NRXN3: variants seen among roughly 807,000 people sequenced by gnomAD.
NRXN3 encodes neurexin 3, also known as neurexin III.
Under a neutral mutation model 137.6 loss-of-function variants are expected in NRXN3, and 32 were observed. The ratio of observed to expected loss-of-function variants is 0.23; its 90% CI spans 0.18 to 0.31. NRXN3 has a LOEUF of 0.31. NRXN3 is among the 10% of genes least tolerant of loss of function. NRXN3 has a pLI of 1.00. For synonymous variants in NRXN3, 798 were observed against 784.5 expected, an observed-to-expected ratio of 1.02 and a Z score of -0.29; for missense variants, 1,574 against 2,062.5, an observed-to-expected ratio of 0.76 and a Z score of 4.59.
chr14:78,666,411 T>C, intron 6 of NRXN3, among the ~76,000 whole-genome samples: 1 of 152,066 alleles, frequency 6.6e-6, no homozygotes, highest in East Asian at 1.9e-4. Context: ...AAAGGAAAGA[T>C]AAGAAAAGCA....
chr14:78,520,896 T>G (rs1214118769), intron 4 of NRXN3, among the ~76,000 whole-genome samples: 1 of 152,176 alleles, frequency 6.6e-6, no homozygotes, highest in Non-Finnish European at 1.5e-5. Context: ...GCATTAATAT[T>G]ATGGTGCTGA....
chr14:78,820,893 A>G (rs74065170), intron 10 of NRXN3, among the ~76,000 whole-genome samples: 5 of 152,162 alleles, frequency 3.3e-5, no homozygotes, highest in Non-Finnish European at 7.4e-5. Flanking sequence ...TGAACTCAGG[A>G]TCCTCCAATA....
rs901625928 is a variant in NRXN3 at position 79,862,150 on chromosome 14, C to G, written c.*186C>G. ...CACACACACAGCGATGCATCTCTCT[C>G]TAAAGCTCAGCCACGGCTGCGGCAA... is the stretch of plus-strand genomic sequence containing the variant. On this transcript the variant is annotated 3_prime_UTR_variant, in exon 21 of 21. Coordinates refer to ENST00000335750, the MANE Select transcript of NRXN3 (RefSeq NM_001330195.2). 13 of 586,750 alleles carry G rather than the reference C, an allele frequency of 2.2e-5. No homozygotes were observed. The highest frequency in any genetic ancestry group is 3.0e-5 in the Non-Finnish European group (10 of 333,866). 36.3% of individuals were successfully genotyped at this position (586,750 alleles called of 1,614,324 possible).
chr14:79,608,767 T>G (rs1335581854), intron 16 of NRXN3, among the ~76,000 whole-genome samples: 1 of 152,100 alleles, frequency 6.6e-6, no homozygotes, highest in Non-Finnish European at 1.5e-5. Flanking sequence ...GAAAAACACC[T>G]GTCCCCATTT....
At chr14:78,218,410 T>G (rs1232813415) in intron 1 of NRXN3, among the ~76,000 whole-genome samples, 5 of 152,198 alleles carry the variant, frequency 3.3e-5, no homozygotes, top group Non-Finnish European at 7.3e-5. Flanking sequence ...TAATCTTATG[T>G]CCTTACTAGG....
At chr14:78,475,406 A>T (rs1567697498) in intron 4 of NRXN3, among the ~76,000 whole-genome samples, 1 of 152,168 alleles carries the variant, frequency 6.6e-6, no homozygotes, top group Non-Finnish European at 1.5e-5. Context: ...GAATTGATTC[A>T]TGGTACCCAG....
In NRXN3 at chr14:79,169,047, C is replaced by T. The variant is rs1160440301; in HGVS notation, c.3262+180906C>T. ...GGCTGGCTTGCTTTGGATAGTCATT[C>T]ATTCATTCCTTAATAATGGTTTTCT... On this transcript the variant is annotated intron_variant, in intron 15 of 20. Coordinates refer to ENST00000335750, the MANE Select transcript of NRXN3 (RefSeq NM_001330195.2). Among the ~76,000 whole-genome samples, 5 of 152,066 alleles carry T rather than the reference C, an allele frequency of 3.3e-5. No individual in the cohort carries two copies. The East Asian group carries it at 7.7e-4, about 23-fold the overall frequency.
At chr14:78,235,808 A>G (rs1390782721) in intron 1 of NRXN3, among the ~76,000 whole-genome samples, 1 of 152,208 alleles carries the variant, frequency 6.6e-6, no homozygotes, top group Admixed American at 6.5e-5. Context: ...TCAGCTCCGC[A>G]GATTTCAGGA....
At chr14:78,887,211 T>A (rs530007708) in intron 10 of NRXN3, among the ~76,000 whole-genome samples, 1 of 152,202 alleles carries the variant, frequency 6.6e-6, no homozygotes, top group East Asian at 1.9e-4. Context: ...ATTTGGAAAA[T>A]TATGTTCAGA....
Position 78,651,146 on chromosome 14 carries a change from C to A in NRXN3, c.1060-19C>A, listed in dbSNP as rs1394104401. On this transcript the variant is annotated intron_variant, in intron 5 of 20. Coordinates refer to ENST00000335750, the MANE Select transcript of NRXN3 (RefSeq NM_001330195.2). ...AGGTCATTGTTGGGATTTTTTTTGT[C>A]CCTATGTCCCTCCACCAGGTGACAA... The A allele has an allele frequency of 6.2e-7, 1 of 1,607,284 alleles. No individual in the cohort carries two copies. The highest frequency in any genetic ancestry group is 8.5e-7 in the Non-Finnish European group (1 of 1,175,846).
intron 19 of NRXN3, among the ~76,000 whole-genome samples, chr14:79,797,433 A>G (rs889507555): frequency 6.6e-6 from 1 of 152,218 alleles, no homozygotes; most frequent in African/African-American, 2.4e-5. Context: ...GCTCATAGAC[A>G]TAGGATACAA....
intron 2 of NRXN3, among the ~76,000 whole-genome samples, chr14:78,251,410 T>C (rs1336521500): frequency 6.6e-6 from 1 of 152,220 alleles, no homozygotes; most frequent in Non-Finnish European, 1.5e-5. Flanking sequence ...CTTCTAAGTC[T>C]CCACACCTAA....
At chr14:79,068,711 AACTC>A (rs2099683772) in intron 15 of NRXN3, among the ~76,000 whole-genome samples, 1 of 152,130 alleles carries the variant, frequency 6.6e-6, no homozygotes, top group Non-Finnish European at 1.5e-5. Flanking sequence ...TTTAAAATGA[AACTC>A]AAAAAAGAGG....
At chr14:79,631,130 TTGTA>T (rs2098340246) in intron 16 of NRXN3, among the ~76,000 whole-genome samples, 3 of 152,142 alleles carry the variant, frequency 2.0e-5, no homozygotes, top group Admixed American at 6.5e-5. Context: ...TCAGAAAGGG[TTGTA>T]AAGGGAACAG....
rs186457222 is a variant in NRXN3 at position 78,383,731 on chromosome 14, A to T, written c.757+85871A>T. On this transcript the variant is annotated intron_variant, in intron 4 of 20. Transcript: ENST00000335750. ...TCATTGGGGTGTAACTTTCCTTACCAGTAGAATGGGGCTCATAATGTCTAC... is the reference window on the plus strand; with the variant it reads ...TCATTGGGGTGTAACTTTCCTTACCTGTAGAATGGGGCTCATAATGTCTAC... 2.6e-5 allele frequency among the ~76,000 whole-genome samples: 4 copies of T among 152,298 alleles called. No homozygotes were observed. The East Asian group carries it at 7.7e-4, about 29-fold the overall frequency.
intron 10 of NRXN3, among the ~76,000 whole-genome samples, chr14:78,822,884 A>G (rs1204370200): frequency 6.6e-6 from 1 of 152,180 alleles, no homozygotes; most frequent in Non-Finnish European, 1.5e-5. Flanking sequence ...CTATCACTCT[A>G]GAACAAGTGC....
At chr14:79,764,033 C>G (rs2099047843) in intron 19 of NRXN3, among the ~76,000 whole-genome samples, 1 of 147,836 alleles carries the variant, frequency 6.8e-6, no homozygotes, top group Non-Finnish European at 1.5e-5. Flanking sequence ...TATGTTGTTT[C>G]TAAAGTAAAA....
At chr14:79,065,585 G>A (rs2099679776) in intron 15 of NRXN3, among the ~76,000 whole-genome samples, 1 of 152,108 alleles carries the variant, frequency 6.6e-6, no homozygotes, top group South Asian at 2.1e-4. Flanking sequence ...CAGAAAATGT[G>A]TTGTTCTGGA....
chr14:78,395,178 G>A (rs1195117475), intron 4 of NRXN3, among the ~76,000 whole-genome samples: 1 of 151,436 alleles, frequency 6.6e-6, no homozygotes, highest in Non-Finnish European at 1.5e-5. Flanking sequence ...AATATATGCA[G>A]TTAGTGCTAT....
Sources: gnomAD v4.1 joint callset for allele counts (sites outside exome capture counted in the v4.1 genomes callset) on GRCh38, gnomAD v4.1.1 for gene constraint, MANE v1.5 for transcripts, NCBI Gene and HGNC (gene_info 2026-07-23, HGNC 2026-07-21) for gene names.